The following WWC1 variants were observed in gnomAD, a reference collection of about 807,000 sequenced individuals.
The protein encoded by WWC1 is WW and C2 domain containing 1, also known as protein KIBRA.
Under a neutral mutation model 138.4 loss-of-function variants are expected in WWC1, and 55 were observed. That is an observed-to-expected ratio of 0.40 (90% CI 0.32 to 0.50). The LOEUF (loss-of-function observed/expected upper bound fraction) is 0.50. Ranked by LOEUF, WWC1 falls within the 20% of genes least tolerant of loss-of-function variation. WWC1 has a pLI of 0.72. For missense variants in WWC1, 1,226 were observed against 1,420.4 expected, an observed-to-expected ratio of 0.86 and a Z score of 2.20; for synonymous variants, 524 against 564.9, an observed-to-expected ratio of 0.93 and a Z score of 1.03.
rs1483374938 is a variant in WWC1, at chr5:168,326,902, TATTCTGCAA to T, written c.119+34634_119+34642del. ...ACAAAAATAAGCATGTGGGAAAGTT[TATTCTGCAA>T]ATCTGCATTTTTGAAGGGACAGAGC... On this transcript the variant is annotated intron_variant, in intron 1 of 22. Transcript: ENST00000265293. Among the ~76,000 whole-genome samples, 8 of 152,312 alleles carry T rather than the reference TATTCTGCAA, an allele frequency of 5.3e-5. No homozygotes were observed. In the East Asian group the frequency reaches 1.2e-3, roughly 22 times the overall value.
rs1279834347 is a variant in WWC1, at chr5:168,292,095, G to A, written c.-58G>A. On this transcript the variant is annotated 5_prime_UTR_variant, in exon 1 of 23. Transcript: ENST00000265293. The surrounding 1 kb of genome is among the most constrained non-coding windows in gnomAD (Gnocchi z 4.4). ...GGGCTAAGAGCGGCCGGCTGGAGCC[G>A]CTGAGCCCCCGCTGCGGCCGGGAGC... 37 of 1,468,274 alleles carry A rather than the reference G, an allele frequency of 2.5e-5. No individual in the cohort carries two copies. Among genetic ancestry groups the A allele is most frequent in the Non-Finnish European group, 3.3e-5 (37 of 1,111,934 alleles). The allele number at this position is 1,468,274 out of a possible 1,614,324, so 91.0% of individuals were successfully genotyped here. A position where few individuals can be genotyped will look rare whatever the true frequency, so the allele number is the denominator to read the frequency against.
At chr5:168,430,037 G>A in intron 13 of WWC1, 100 bp from the exon 14 acceptor site, 4 of 884,122 alleles carry the variant, frequency 4.5e-6, no homozygotes, top group Non-Finnish European at 7.2e-6. Flanking sequence ...TAGGCCCCAG[G>A]GCAGCCAACA....
chr5:168,335,378 A>C (rs537308283), intron 1 of WWC1, among the ~76,000 whole-genome samples: 7 of 152,308 alleles, frequency 4.6e-5, no homozygotes, highest in African/African-American at 7.2e-5. Flanking sequence ...CCTAGCTCTT[A>C]GGGAGGCAGA....
chr5:168,346,711 C>G (rs565148233), intron 1 of WWC1, among the ~76,000 whole-genome samples: 1 of 152,284 alleles, frequency 6.6e-6, no homozygotes, highest in East Asian at 1.9e-4. Flanking sequence ...CTCCCAGGGC[C>G]CATGCTTGGT....
At chr5:168,414,681 G>A in intron 9 of WWC1, 91 bp downstream of exon 9, 1 of 1,447,372 alleles carries the variant, frequency 6.9e-7, no homozygotes, top group South Asian at 1.5e-5. Context: ...GGGGGCTCCG[G>A]GCCCCTGGGC....
At chr5:168,418,730 A>G (rs1004558544) in intron 9 of WWC1, among the ~76,000 whole-genome samples, 1 of 152,016 alleles carries the variant, frequency 6.6e-6, no homozygotes, top group African/African-American at 2.4e-5. Context: ...TCCCACAGAG[A>G]AGAGGAAAAC....
intron 1 of WWC1, among the ~76,000 whole-genome samples, chr5:168,329,343 T>C (rs555962383): frequency 6.6e-6 from 1 of 152,356 alleles, no homozygotes; most frequent in African/African-American, 2.4e-5. Context: ...AGGTTTTCTT[T>C]TCCAACGTGA....
At chr5:168,451,111 C>T (rs958186484) in intron 17 of WWC1, among the ~76,000 whole-genome samples, 10 of 151,810 alleles carry the variant, frequency 6.6e-5, no homozygotes, top group Non-Finnish European at 1.2e-4. Context: ...CTCCACCTCC[C>T]GGATTCAAGC....
intron 1 of WWC1, among the ~76,000 whole-genome samples, chr5:168,302,109 A>C (rs1207503877): frequency 6.6e-6 from 1 of 152,226 alleles, no homozygotes; most frequent in Non-Finnish European, 1.5e-5. Flanking sequence ...AGAGCTAAAA[A>C]GGCTGATGCA....
At chr5:168,378,730 A>G (rs1305018485) in intron 2 of WWC1, among the ~76,000 whole-genome samples, 1 of 152,218 alleles carries the variant, frequency 6.6e-6, no homozygotes, top group Non-Finnish European at 1.5e-5. Flanking sequence ...GACCTTCATC[A>G]GTATGGGGCT....
chr5:168,409,994 A>G lies in WWC1; in HGVS notation c.940A>G (p.Arg314Gly). The part of the protein sequence containing the change: ...LRLRYEEAKR[R>G]IANLKIQLAK... ...CCTTCGATATGAAGAGGCTAAGAGA[A>G]GGTAATTGGGCTGGGGCTAGGGGCG... Residue 314 changes from arginine to glycine, a missense_variant and splice_region_variant, in exon 8 of 23, where the codon AGG (arginine) becomes GGG (glycine). Physicochemically the swap from Arg to Gly is moderately radical, Grantham distance 125. Transcript: ENST00000265293. 6.2e-7 allele frequency: 1 copy of G among 1,613,328 alleles called. No individual in the cohort carries two copies. Among genetic ancestry groups the G allele is most frequent in the Non-Finnish European group, 8.5e-7 (1 of 1,179,658 alleles).
At position 168,360,676 on chromosome 5, in the gene WWC1, C is replaced by G. The variant is rs145093229; in HGVS notation, c.120-10748C>G. On this transcript the variant is annotated intron_variant, in intron 1 of 22. Coordinates refer to ENST00000265293, the MANE Select transcript of WWC1 (RefSeq NM_015238.3). ...ACAGGAGTGCCTTGCCCAAGGGCATCGTCAGGCTTCAAACCCAGATCTCAT... is the reference window on the plus strand; with the variant it reads ...ACAGGAGTGCCTTGCCCAAGGGCATGGTCAGGCTTCAAACCCAGATCTCAT... 3.3e-3 allele frequency among the ~76,000 whole-genome samples: 507 copies of G among 152,368 alleles called. 2 individuals carry two copies. Among genetic ancestry groups the G allele is most frequent in the Middle Eastern group, 0.027 (8 of 294 alleles).
At chr5:168,345,737 A>T (rs1351347560) in intron 1 of WWC1, among the ~76,000 whole-genome samples, 1 of 152,126 alleles carries the variant, frequency 6.6e-6, no homozygotes, top group African/African-American at 2.4e-5. Context: ...TAAGTACTCA[A>T]TTCATGGGTT....
intron 1 of WWC1, among the ~76,000 whole-genome samples, chr5:168,356,720 A>C (rs571645271): frequency 6.6e-6 from 1 of 152,312 alleles, no homozygotes; most frequent in East Asian, 1.9e-4. Context: ...ATACTAATTA[A>C]AATGAAACAG....
intron 5 of WWC1, among the ~76,000 whole-genome samples, chr5:168,403,043 TTTCTTTCTTTCTTTCTTTCTTTCTTTC>T (rs1388569749): frequency 3.8e-5 from 5 of 131,128 alleles, no homozygotes; most frequent in African/African-American, 6.6e-5. Flanking sequence ...TCTTTCTTTC[TTTCTTTCTTTCTTTCTTTCTTTCTTTC>T]TTTCTTTCTT....
chr5:168,455,440 C>A lies in WWC1; in HGVS notation c.2743C>A (p.Gln915Lys). The A allele has an allele frequency of 8.7e-6, 14 of 1,612,538 alleles. No individual in the cohort carries two copies. The highest frequency in any genetic ancestry group is 1.2e-5 in the Non-Finnish European group (14 of 1,179,350). ...PKDRRVGTPS[Q>K]GPFLRGSTII... is the part of the protein sequence containing the mutation. ...GGACCGGAGAGTGGGCACCCCGTCC[C>A]AGGGGCCATTTCTTCGAGGGAGCAC... The change falls in exon 19 of 23, where the codon CAG becomes AAG. Residue 915 changes from glutamine (Q) to lysine (K), a missense_variant. Physicochemically the swap from Gln to Lys is moderately conservative, Grantham distance 53. Coordinates refer to ENST00000265293, the MANE Select transcript of WWC1 (RefSeq NM_015238.3).
intron 6 of WWC1, among the ~76,000 whole-genome samples, chr5:168,407,067 C>T (rs1381109830): frequency 1.3e-5 from 2 of 152,154 alleles, no homozygotes; most frequent in Non-Finnish European, 2.9e-5. Context: ...GCTGGGATTA[C>T]AGGCTTGAGC....
chr5:168,465,445 A>C (rs1322934041), intron 21 of WWC1, among the ~76,000 whole-genome samples: 2 of 142,870 alleles, frequency 1.4e-5, no homozygotes, highest in African/African-American at 5.4e-5. Flanking sequence ...GTCGGCTGGC[A>C]CCTCTGCCCT....
intron 1 of WWC1, among the ~76,000 whole-genome samples, chr5:168,346,452 C>G (rs1178471704): frequency 6.6e-6 from 1 of 152,166 alleles, no homozygotes; most frequent in African/African-American, 2.4e-5. Context: ...TCAAGAGACC[C>G]TCAGAAAATC....
Sources: allele counts gnomAD v4.1 joint callset (sites outside exome capture counted in the v4.1 genomes callset), GRCh38; gene constraint gnomAD v4.1.1; non-coding constraint Gnocchi (gnomAD v3.1); transcripts MANE v1.5; gene names NCBI Gene and HGNC (gene_info 2026-07-23, HGNC 2026-07-21).